MLIP: variants seen among roughly 807,000 people sequenced by gnomAD.
MLIP encodes the protein muscular LMNA-interacting protein.
A neutral mutation model predicts 84.8 loss-of-function variants in MLIP; 79 were observed. That is an observed-to-expected ratio of 0.93 (90% CI 0.78 to 1.12). The LOEUF (loss-of-function observed/expected upper bound fraction) is 1.12. Among genes scored for constraint, MLIP ranks in the 50% most tolerant of loss-of-function variants. MLIP has a pLI of 0.00. For synonymous variants in MLIP, 504 were observed against 463.0 expected (o/e 1.09, Z -1.14); for missense variants, 1,257 against 1,160.6 (o/e 1.08, Z -1.21).
Position 54,087,613 on chromosome 6 carries a change from C to T in MLIP, c.64-33834C>T, listed in dbSNP as rs145696939. Among the ~76,000 whole-genome samples the T allele has an allele frequency of 7.9e-3, 1,204 of 152,124 alleles. 20 individuals are homozygous for T. Among genetic ancestry groups the T allele is most frequent in the African/African-American group, 0.026 (1,075 of 41,502 alleles). On this transcript the variant is annotated intron_variant, in intron 1 of 12. Coordinates refer to the MLIP transcript ENST00000274897. ...TCCTTACTTGCATGCCTTCTCCTTCCTCTGGGGGCCACTGCCCTCACATGT... is the reference window on the plus strand; with the variant it reads ...TCCTTACTTGCATGCCTTCTCCTTCTTCTGGGGGCCACTGCCCTCACATGT...
intron 11 of MLIP, among the ~76,000 whole-genome samples, chr6:54,213,868 G>T (rs1779667321): frequency 6.6e-6 from 1 of 151,828 alleles, no homozygotes. Context: ...TGTATGCATT[G>T]TATCTCCACT....
chr6:54,171,750 A>T (rs2150599567), intron 9 of MLIP, among the ~76,000 whole-genome samples: 1 of 151,682 alleles, frequency 6.6e-6, no homozygotes, highest in South Asian at 2.1e-4. Context: ...TCTAATATTC[A>T]TATTGACTGA....
At chr6:54,043,571 C>T (rs1764868812) in intron 1 of MLIP, 1 of 152,282 alleles carries the variant, frequency 6.6e-6, no homozygotes, top group South Asian at 2.1e-4. Context: ...CAAGTATGTT[C>T]TCTACCCACT....
intron 4 of MLIP, among the ~76,000 whole-genome samples, chr6:54,141,262 T>C (rs1301271893): frequency 2.6e-5 from 4 of 152,002 alleles, no homozygotes; most frequent in Non-Finnish European, 5.9e-5. Flanking sequence ...TATTTCACAT[T>C]ATAATCATTG....
chr6:54,220,902 C>G (rs1324198005), intron 11 of MLIP, among the ~76,000 whole-genome samples: 1 of 151,188 alleles, frequency 6.6e-6, no homozygotes. Context: ...TATAGGTAAC[C>G]TATAACGACA....
intron 12 of MLIP, among the ~76,000 whole-genome samples, chr6:54,240,066 G>T (rs981538019): frequency 1.3e-5 from 2 of 152,126 alleles, no homozygotes; most frequent in African/African-American, 4.8e-5. Flanking sequence ...ATGAATTGTT[G>T]TATGCCTATA....
intron 1 of MLIP, among the ~76,000 whole-genome samples, chr6:54,025,004 A>ATTTTTTTTTTT (rs79753738): frequency 7.1e-6 from 1 of 140,012 alleles, no homozygotes. Context: ...TGCCCAGCTA[A>ATTTTTTTTTTT]TTTTTTTTTT....
chr6:54,154,554 G>A (rs1292534582), intron 5 of MLIP, among the ~76,000 whole-genome samples: 1 of 152,148 alleles, frequency 6.6e-6, no homozygotes, highest in Non-Finnish European at 1.5e-5. Context: ...AAAGCATCAA[G>A]GTTACTAAGT....
chr6:54,224,374 A>C (rs1780430188), intron 11 of MLIP, among the ~76,000 whole-genome samples: 1 of 151,942 alleles, frequency 6.6e-6, no homozygotes, highest in Admixed American at 6.6e-5. Flanking sequence ...AATACCTAGA[A>C]AAATATAAAA....
chr6:54,108,076 C>A (rs750186122), upstream of MLIP, among the ~76,000 whole-genome samples: 1 of 151,980 alleles, frequency 6.6e-6, no homozygotes, highest in African/African-American at 2.4e-5. Flanking sequence ...GCAGTAATAT[C>A]CGTTTAGTAA....
chr6:54,073,160 G>C (rs1419886367), intron 1 of MLIP, among the ~76,000 whole-genome samples: 3 of 152,238 alleles, frequency 2.0e-5, no homozygotes, highest in African/African-American at 7.2e-5. Flanking sequence ...TGGCCTGAAA[G>C]TGGGAGTAGG....
chr6:54,117,363 C>A (rs951587102), intron 1 of MLIP, among the ~76,000 whole-genome samples: 1 of 151,450 alleles, frequency 6.6e-6, no homozygotes, highest in East Asian at 2.0e-4. Context: ...TACAGGCACC[C>A]GCCACGACGC....
At chr6:54,190,796 CTTTT>C (rs1234496431) in intron 10 of MLIP, among the ~76,000 whole-genome samples, 1 of 133,738 alleles carries the variant, frequency 7.5e-6, no homozygotes, top group Non-Finnish European at 1.6e-5. Context: ...CAAAGATTTT[CTTTT>C]TTTTTTTTTT....
chr6:54,224,881 A>T (rs879667347), intron 11 of MLIP, among the ~76,000 whole-genome samples: 7 of 152,192 alleles, frequency 4.6e-5, no homozygotes, highest in Admixed American at 1.3e-4. Context: ...AATAGTCTCC[A>T]GTCTCATCCA....
At chr6:54,116,062 C>G (rs1455190999) in intron 1 of MLIP, among the ~76,000 whole-genome samples, 1 of 152,054 alleles carries the variant, frequency 6.6e-6, no homozygotes, top group Non-Finnish European at 1.5e-5. Context: ...ATGTGCATAG[C>G]ATACAGGAAT....
intron 3 of MLIP, among the ~76,000 whole-genome samples, chr6:54,127,571 T>C (rs1386363799): frequency 6.6e-6 from 1 of 152,162 alleles, no homozygotes; most frequent in Non-Finnish European, 1.5e-5. Flanking sequence ...TAGGCAGTAC[T>C]ATAGCTATTT....
At chr6:54,077,367 A>G (rs1023388711) in intron 1 of MLIP, among the ~76,000 whole-genome samples, 1 of 151,996 alleles carries the variant, frequency 6.6e-6, no homozygotes, top group African/African-American at 2.4e-5. Flanking sequence ...TTTTCCAATA[A>G]AACTTCATTA....
chr6:54,105,281 C>T lies in MLIP; in HGVS notation c.64-16166C>T, dbSNP rs75771361. The stretch of plus-strand genomic sequence containing the variant: ...TTGCGTCCTGCTCCTTTCTTTAGCC[C>T]GTATACGTTTGACTCTTTGTAAGGG... On this transcript the variant is annotated intron_variant, in intron 1 of 12. Transcript: ENST00000274897. Among the ~76,000 whole-genome samples the T allele has an allele frequency of 4.7e-3, 718 of 152,210 alleles. 5 individuals are homozygous for T. The highest frequency in any genetic ancestry group is 0.02 in the Middle Eastern group (6 of 294).
chr6:54,147,164 A>C (rs1772934378), intron 4 of MLIP, among the ~76,000 whole-genome samples: 2 of 152,138 alleles, frequency 1.3e-5, no homozygotes, highest in Admixed American at 1.3e-4. Flanking sequence ...TTTATTCTGC[A>C]TTACATGTAG....
Sources: allele counts gnomAD v4.1 joint callset (sites outside exome capture counted in the v4.1 genomes callset), GRCh38; gene constraint gnomAD v4.1.1; transcripts MANE v1.5; gene names NCBI Gene and HGNC (gene_info 2026-07-23, HGNC 2026-07-21).